The following COL4A3 variants were observed in gnomAD, a reference collection of about 807,000 sequenced individuals.
The protein encoded by COL4A3 is collagen alpha-3(IV) chain.
A neutral mutation model predicts 217.4 loss-of-function variants in COL4A3; 135 were observed. The ratio of observed to expected loss-of-function variants is 0.62; its 90% CI spans 0.54 to 0.72. COL4A3 has a LOEUF of 0.72. Ranked by LOEUF, COL4A3 falls within the 30% of genes least tolerant of loss-of-function variation. COL4A3 has a pLI of 0.00. For missense variants in COL4A3, 1,868 were observed against 2,119.9 expected (o/e 0.88, Z 2.33); for synonymous variants, 690 against 736.3 (o/e 0.94, Z 1.02).
In COL4A3 at chr2:227,221,993, C is replaced by T. The variant is rs1175584545; in HGVS notation, c.88-15975C>T. 2.6e-5 allele frequency among the ~76,000 whole-genome samples: 4 copies of T among 151,270 alleles called. No homozygotes were observed. In the South Asian group the frequency reaches 6.3e-4, roughly 24 times the overall value. On this transcript the variant is annotated intron_variant, in intron 1 of 51. Coordinates refer to ENST00000396578, the MANE Select transcript of COL4A3 (RefSeq NM_000091.5). ...ACTCAGCATCCTTGTGTTTAAAATG[C>T]TCCTTAAGCCAGGTGCAGTGGTGCA... is the stretch of plus-strand genomic sequence containing the variant.
chr2:227,302,776 C>T (rs1278218909), intron 43 of COL4A3, among the ~76,000 whole-genome samples: 3 of 144,994 alleles, frequency 2.1e-5, no homozygotes, highest in Middle Eastern at 7.7e-3. Context: ...ACTAAAACAA[C>T]ATACACCAAC....
chr2:227,226,105 G>T (rs1180868187), intron 1 of COL4A3, among the ~76,000 whole-genome samples: 1 of 152,166 alleles, frequency 6.6e-6, no homozygotes, highest in Non-Finnish European at 1.5e-5. Flanking sequence ...GGTCTGCTGT[G>T]GTTTGGGGGG....
intron 1 of COL4A3, among the ~76,000 whole-genome samples, chr2:227,201,548 C>T (rs992931832): frequency 6.6e-6 from 1 of 152,122 alleles, no homozygotes; most frequent in Admixed American, 6.6e-5. Context: ...GCAATGTATC[C>T]GTTTCCAGTT....
At chr2:227,262,330 A>C (rs2070634719) in intron 20 of COL4A3, among the ~76,000 whole-genome samples, 1 of 152,178 alleles carries the variant, frequency 6.6e-6, no homozygotes, top group Non-Finnish European at 1.5e-5. Context: ...CAAACAAACA[A>C]AAAAACAGGC....
intron 3 of COL4A3, 123 bp downstream of exon 3, chr2:227,240,355 C>G (rs772394568): frequency 5.0e-5 from 46 of 915,732 alleles, no homozygotes; most frequent in Non-Finnish European, 7.2e-5. Context: ...GCATGGTGAA[C>G]TCCTGGTTTC....
intron 37 of COL4A3, among the ~76,000 whole-genome samples, chr2:227,291,562 CAAA>C (rs869289707): frequency 8.7e-5 from 3 of 34,408 alleles, no homozygotes; most frequent in South Asian, 9.4e-4. Context: ...GACTCCGTCT[CAAA>C]AAAAAAAAAA....
chr2:227,174,893 T>C lies in COL4A3; in HGVS notation c.87+10080T>C, dbSNP rs112337736. ...GCGCTGGGCTAGGTGCTGGGACTCA[T>C]TGGTAAACAAAATAGTCTGAATCCC... On this transcript the variant is annotated intron_variant, in intron 1 of 51. Transcript: ENST00000396578. Among the ~76,000 whole-genome samples, 1,007 of 152,294 alleles carry C rather than the reference T, an allele frequency of 6.6e-3. 14 individuals carry two copies. The highest frequency in any genetic ancestry group is 0.022 in the African/African-American group (896 of 41,570).
At chr2:227,240,338 G>T in intron 3 of COL4A3, 106 bp downstream of exon 3, 1 of 1,071,542 alleles carries the variant, frequency 9.3e-7, no homozygotes, top group Non-Finnish European at 1.4e-6. Flanking sequence ...TTAGCCAACT[G>T]CTAGGTGCAT....
At chr2:227,260,973 G>A in intron 19 of COL4A3, 109 bp from the exon 20 acceptor site, 1 of 898,390 alleles carries the variant, frequency 1.1e-6, no homozygotes, top group East Asian at 2.5e-5. Context: ...AAAAAAGTAT[G>A]AAAACTCTGT....
chr2:227,264,093 G>A (rs2070751319), intron 21 of COL4A3, 149 bp downstream of exon 21: 1 of 881,500 alleles, frequency 1.1e-6, no homozygotes, highest in African/African-American at 1.7e-5. Context: ...TTCACTAACT[G>A]TCTGTGAAAG....
intron 37 of COL4A3, among the ~76,000 whole-genome samples, 176 bp from the exon 38 acceptor site, chr2:227,293,015 G>A (rs554502580): frequency 6.6e-6 from 1 of 152,168 alleles, no homozygotes; most frequent in South Asian, 2.1e-4. Flanking sequence ...TTTTGCACTG[G>A]GCCCCATAAA....
At chr2:227,174,236 C>T (rs139063784) in intron 1 of COL4A3, among the ~76,000 whole-genome samples, 2,233 of 152,128 alleles carry the variant, frequency 0.015, 28 homozygotes, top group Non-Finnish European at 0.024. Context: ...CATCACAAAA[C>T]GGAAAATAAT....
intron 28 of COL4A3, among the ~76,000 whole-genome samples, chr2:227,278,382 G>C (rs566797030): frequency 6.6e-6 from 1 of 152,226 alleles, no homozygotes; most frequent in African/African-American, 2.4e-5. Flanking sequence ...AGAACTGCAA[G>C]TTTTATGACA....
At chr2:227,211,573 T>A (rs1297043767) in intron 1 of COL4A3, among the ~76,000 whole-genome samples, 2 of 152,224 alleles carry the variant, frequency 1.3e-5, no homozygotes, top group Non-Finnish European at 2.9e-5. Flanking sequence ...GGAAATCGAT[T>A]TACAATCTTA....
At chr2:227,256,284 C>T in intron 16 of COL4A3, 59 bp from the exon 17 acceptor site, 1 of 1,488,966 alleles carries the variant, frequency 6.7e-7, no homozygotes, top group Non-Finnish European at 9.4e-7. Flanking sequence ...GCACCTGCTC[C>T]CCCAGAAGAA....
At chr2:227,254,590 A>G in intron 14 of COL4A3, 66 bp from the exon 15 acceptor site, 1 of 1,240,090 alleles carries the variant, frequency 8.1e-7, no homozygotes, top group Non-Finnish European at 1.2e-6. Context: ...GGACAAATTA[A>G]TAAAAATCAA....
intron 18 of COL4A3, 39 bp from the exon 19 acceptor site, chr2:227,259,754 A>T (rs181446386): frequency 7.0e-7 from 1 of 1,419,590 alleles, no homozygotes; most frequent in East Asian, 2.3e-5. Context: ...GTCCATAAAT[A>T]GCTATCCTTT....
At chr2:227,259,029 T>C (rs1559874745) in intron 18 of COL4A3, 1 of 152,022 alleles carries the variant, frequency 6.6e-6, no homozygotes, top group Non-Finnish European at 1.5e-5. Context: ...AAACCTTTGA[T>C]ATTTCCACCT....
intron 43 of COL4A3, among the ~76,000 whole-genome samples, chr2:227,299,127 G>A (rs1466166329): frequency 2.0e-5 from 3 of 152,202 alleles, no homozygotes; most frequent in Non-Finnish European, 2.9e-5. Context: ...CGGGCATGGT[G>A]GCTCACGCCT....
Sources: gnomAD v4.1 joint callset for allele counts (sites outside exome capture counted in the v4.1 genomes callset) on GRCh38, gnomAD v4.1.1 for gene constraint, MANE v1.5 for transcripts, NCBI Gene and HGNC (gene_info 2026-07-23, HGNC 2026-07-21) for gene names.